The following TAFA1 variants were observed in gnomAD, a reference collection of about 807,000 sequenced individuals.
TAFA1 encodes chemokine-like protein TAFA-1.
Under a neutral mutation model 18.5 loss-of-function variants are expected in TAFA1, and 4 were observed. The observed-to-expected ratio is 0.22, with a 90% CI of 0.11 to 0.49. The LOEUF (loss-of-function observed/expected upper bound fraction) is 0.49. Ranked by LOEUF, TAFA1 falls within the 20% of genes least tolerant of loss-of-function variation. The probability of loss-of-function intolerance (pLI) is 0.98; values close to 1 mark genes in which losing one functional copy is unlikely to be tolerated. For synonymous variants in TAFA1, 56 were observed against 55.2 expected (o/e 1.01, Z -0.06); for missense variants, 147 against 169.0 (o/e 0.87, Z 0.72).
At chr3:68,007,830 C>A (rs1162540793) in intron 2 of TAFA1, among the ~76,000 whole-genome samples, 1 of 152,192 alleles carries the variant, frequency 6.6e-6, no homozygotes, top group East Asian at 1.9e-4. Context: ...TCGGCCTGGA[C>A]ACCGATACTA....
chr3:68,308,325 T>C (rs2068456091), intron 2 of TAFA1, among the ~76,000 whole-genome samples: 1 of 152,196 alleles, frequency 6.6e-6, no homozygotes, highest in Non-Finnish European at 1.5e-5. Flanking sequence ...ATTTTAGTTT[T>C]ATTAAAAGTT....
intron 3 of TAFA1, among the ~76,000 whole-genome samples, chr3:68,495,871 A>C (rs1176646785): frequency 6.6e-6 from 1 of 152,152 alleles, no homozygotes; most frequent in Admixed American, 6.5e-5. Context: ...TCACAGGCTT[A>C]AAAGGAAAAG....
chr3:68,455,287 G>C (rs2071640622), intron 3 of TAFA1, among the ~76,000 whole-genome samples: 3 of 151,900 alleles, frequency 2.0e-5, no homozygotes. Context: ...AGGTGGAATG[G>C]GGAGGCTGGA....
At chr3:68,369,420 A>G (rs1478572217) in intron 2 of TAFA1, among the ~76,000 whole-genome samples, 1 of 152,206 alleles carries the variant, frequency 6.6e-6, no homozygotes. Flanking sequence ...TGAATTTTCA[A>G]TTTATTCTTT....
intron 3 of TAFA1, among the ~76,000 whole-genome samples, chr3:68,523,613 A>C (rs937260411): frequency 1.3e-5 from 2 of 152,238 alleles, no homozygotes; most frequent in African/African-American, 2.4e-5. Context: ...TGATTAAAAT[A>C]AAATATCCCC....
At chr3:68,449,517 A>C (rs1333299461) in intron 3 of TAFA1, among the ~76,000 whole-genome samples, 1 of 152,176 alleles carries the variant, frequency 6.6e-6, no homozygotes, top group African/African-American at 2.4e-5. Flanking sequence ...TGACCTAGAA[A>C]AATCTAATTT....
intron 2 of TAFA1, among the ~76,000 whole-genome samples, chr3:68,370,114 C>T (rs907445269): frequency 2.7e-5 from 4 of 148,780 alleles, no homozygotes; most frequent in Non-Finnish European, 5.9e-5. Flanking sequence ...CGGTGAAACC[C>T]CGTCTCTAAT....
chr3:68,213,669 C>A (rs772129753), intron 2 of TAFA1, among the ~76,000 whole-genome samples: 1 of 152,050 alleles, frequency 6.6e-6, no homozygotes, highest in Non-Finnish European at 1.5e-5. Flanking sequence ...GCACACCTTA[C>A]GTGTTCCAAG....
At chr3:68,088,351 A>G (rs1246422169) in intron 2 of TAFA1, among the ~76,000 whole-genome samples, 2 of 152,138 alleles carry the variant, frequency 1.3e-5, no homozygotes, top group Non-Finnish European at 1.5e-5. Flanking sequence ...GTTTTGACAC[A>G]TATAGAGGTT....
chr3:68,094,228 T>G (rs1205668777), intron 2 of TAFA1, among the ~76,000 whole-genome samples: 1 of 152,132 alleles, frequency 6.6e-6, no homozygotes, highest in Non-Finnish European at 1.5e-5. Context: ...CCATCCATCA[T>G]GATTTCCAAC....
At chr3:68,381,793 A>G (rs1281227960) in intron 2 of TAFA1, among the ~76,000 whole-genome samples, 1 of 152,162 alleles carries the variant, frequency 6.6e-6, no homozygotes, top group Non-Finnish European at 1.5e-5. Flanking sequence ...CCTGGCCAGA[A>G]CTTCCAACAC....
chr3:68,193,605 T>C (rs1243844460), intron 2 of TAFA1, among the ~76,000 whole-genome samples: 2 of 151,838 alleles, frequency 1.3e-5, no homozygotes, highest in Non-Finnish European at 2.9e-5. Flanking sequence ...GTTTCCATTA[T>C]CATTTTGAAT....
At chr3:68,493,007 A>G (rs35174749) in intron 3 of TAFA1, among the ~76,000 whole-genome samples, 29,498 of 152,090 alleles carry the variant, frequency 0.19, 2,978 homozygotes, top group Non-Finnish European at 0.21. Context: ...TACACATACC[A>G]TAGTACTTAC....
intron 2 of TAFA1, among the ~76,000 whole-genome samples, chr3:68,049,068 C>T (rs2064433058): frequency 6.6e-6 from 1 of 152,130 alleles, no homozygotes; most frequent in Non-Finnish European, 1.5e-5. Flanking sequence ...CACAAATTTA[C>T]ATTATAGCTG....
At chr3:68,196,031 G>A (rs931258020) in intron 2 of TAFA1, among the ~76,000 whole-genome samples, 1 of 151,732 alleles carries the variant, frequency 6.6e-6, no homozygotes, top group Middle Eastern at 3.4e-3. Context: ...AGAGACAGCT[G>A]GGCTTTTAGA....
intron 2 of TAFA1, among the ~76,000 whole-genome samples, chr3:68,343,752 CA>C (rs377674251): frequency 0.015 from 2,218 of 152,232 alleles, 55 homozygotes; most frequent in South Asian, 0.052. Context: ...TTGCTGTGAA[CA>C]AAAGCTTGAC....
chr3:68,491,965 T>C (rs1332671722), intron 3 of TAFA1, among the ~76,000 whole-genome samples: 1 of 152,192 alleles, frequency 6.6e-6, no homozygotes, highest in Non-Finnish European at 1.5e-5. Context: ...TACATCAAAC[T>C]GTATCGATGA....
At chr3:68,115,913 G>A (rs141461976) in intron 2 of TAFA1, among the ~76,000 whole-genome samples, 1,594 of 152,198 alleles carry the variant, frequency 0.01, 38 homozygotes, top group African/African-American at 0.036. Flanking sequence ...TAAAATTTGG[G>A]GATGAACCAC....
intron 3 of TAFA1, among the ~76,000 whole-genome samples, chr3:68,483,243 C>T (rs2072270780): frequency 6.6e-6 from 1 of 152,150 alleles, no homozygotes; most frequent in African/African-American, 2.4e-5. Context: ...ATATACATGT[C>T]AGGGGTCAAT....
Sources: allele counts gnomAD v4.1 joint callset (sites outside exome capture counted in the v4.1 genomes callset), GRCh38; gene constraint gnomAD v4.1.1; transcripts MANE v1.5; gene names NCBI Gene and HGNC (gene_info 2026-07-23, HGNC 2026-07-21).